Variants in EML6 observed in about 807,000 individuals in gnomAD.
The protein encoded by EML6 is EMAP like 6.
EML6 carries 154 observed loss-of-function variants against 240.1 expected under a neutral mutation model. The ratio of observed to expected loss-of-function variants is 0.64; its 90% CI spans 0.56 to 0.73. The LOEUF (loss-of-function observed/expected upper bound fraction) is 0.73, where lower values mean the gene tolerates loss of function less well. Among genes scored for constraint, EML6 ranks in the 30% least tolerant of loss-of-function variants. EML6 has a pLI of 0.00. For synonymous variants in EML6, 1,148 were observed against 899.0 expected, an observed-to-expected ratio of 1.28 and a Z score of -4.95; for missense variants, 2,964 against 2,474.6, an observed-to-expected ratio of 1.20 and a Z score of -4.20.
At chr2:54,887,128 A>G (rs1672191517) in intron 17 of EML6, among the ~76,000 whole-genome samples, 6 of 152,144 alleles carry the variant, frequency 3.9e-5, no homozygotes, top group Admixed American at 3.9e-4. Flanking sequence ...CAGAACATCT[A>G]ATTTTTCTGC....
At chr2:54,872,910 C>CT (rs1671329152) in intron 16 of EML6, among the ~76,000 whole-genome samples, 1 of 152,196 alleles carries the variant, frequency 6.6e-6, no homozygotes, top group African/African-American at 2.4e-5. Context: ...ACCCATTGCT[C>CT]TTGTGGCACT....
intron 21 of EML6, among the ~76,000 whole-genome samples, chr2:54,896,919 G>A (rs896926550): frequency 3.3e-5 from 5 of 152,170 alleles, no homozygotes; most frequent in Admixed American, 6.5e-5. Flanking sequence ...AACCTCGAAA[G>A]CTCTGCAGCT....
At chr2:54,873,466 C>G (rs1221790593) in intron 16 of EML6, among the ~76,000 whole-genome samples, 1 of 152,160 alleles carries the variant, frequency 6.6e-6, no homozygotes, top group African/African-American at 2.4e-5. Flanking sequence ...GTCCAAACTC[C>G]CGGAAGTGTG....
At chr2:54,911,225 C>G (rs576433200) in intron 25 of EML6, among the ~76,000 whole-genome samples, 183 bp downstream of exon 25, 1 of 152,308 alleles carries the variant, frequency 6.6e-6, no homozygotes, top group African/African-American at 2.4e-5. Flanking sequence ...GGATTTATCA[C>G]ACCACTGGTG....
chr2:54,764,157 T>C (rs1271825456), intron 2 of EML6, among the ~76,000 whole-genome samples: 1 of 152,234 alleles, frequency 6.6e-6, no homozygotes, highest in Non-Finnish European at 1.5e-5. Context: ...ATTTTCAATA[T>C]GCCATTTTAG....
chr2:54,922,835 C>G (rs1674331133), intron 26 of EML6, among the ~76,000 whole-genome samples: 1 of 150,992 alleles, frequency 6.6e-6, no homozygotes, highest in Non-Finnish European at 1.5e-5. Flanking sequence ...TACGTGGAAG[C>G]TAAAAAAGTT....
intron 28 of EML6, among the ~76,000 whole-genome samples, chr2:54,930,518 CTT>C (rs150838811): frequency 1.0e-3 from 152 of 145,820 alleles, no homozygotes; most frequent in Non-Finnish European, 1.8e-3. Flanking sequence ...TGGAATGACT[CTT>C]TTTTTTTTTA....
chr2:54,743,843 A>G (rs1241498619), intron 2 of EML6, among the ~76,000 whole-genome samples: 2 of 152,204 alleles, frequency 1.3e-5, no homozygotes, highest in African/African-American at 4.8e-5. Flanking sequence ...TGCAATTTAC[A>G]TATAAATTTC....
At chr2:54,956,290 G>GC (rs1676231292) in intron 32 of EML6, among the ~76,000 whole-genome samples, 1 of 6,568 alleles carries the variant, frequency 1.5e-4, no homozygotes, top group Admixed American at 1.8e-3. Context: ...TCCTTTGTTT[G>GC]CACTTCTCCC....
At chr2:54,821,905 AT>A (rs1233872738) in intron 5 of EML6, among the ~76,000 whole-genome samples, 1 of 152,100 alleles carries the variant, frequency 6.6e-6, no homozygotes, top group African/African-American at 2.4e-5. Flanking sequence ...TTGGAGAAAG[AT>A]TTTTTTAAAA....
At chr2:54,847,460 T>C (rs1669826571) in intron 8 of EML6, 26 bp from the exon 9 acceptor site, 11 of 1,546,068 alleles carry the variant, frequency 7.1e-6, no homozygotes, top group African/African-American at 1.4e-5. Flanking sequence ...GGTTTTGTTT[T>C]GTTTTGACTT....
intron 2 of EML6, among the ~76,000 whole-genome samples, chr2:54,736,012 G>A (rs1683373246): frequency 6.6e-6 from 1 of 152,200 alleles, no homozygotes; most frequent in Non-Finnish European, 1.5e-5. Flanking sequence ...AGACAGGGCA[G>A]GAACAGCTTA....
At chr2:54,804,879 G>C (rs1271034878) in intron 2 of EML6, among the ~76,000 whole-genome samples, 1 of 152,116 alleles carries the variant, frequency 6.6e-6, no homozygotes, top group Non-Finnish European at 1.5e-5. Flanking sequence ...CATACATGAG[G>C]ATGTAGCTTA....
intron 2 of EML6, among the ~76,000 whole-genome samples, chr2:54,755,008 A>G (rs1572860266): frequency 6.6e-6 from 1 of 152,252 alleles, no homozygotes; most frequent in African/African-American, 2.4e-5. Flanking sequence ...CCACAGTTCC[A>G]GAAACTTTAT....
At chr2:54,762,495 T>C (rs957363483) in intron 2 of EML6, among the ~76,000 whole-genome samples, 3 of 152,204 alleles carry the variant, frequency 2.0e-5, no homozygotes, top group Non-Finnish European at 2.9e-5. Context: ...TCCACATAAA[T>C]ATCTTACTCC....
chr2:54,917,358 G>GTTTTTTTTTTTTT (rs147785699), intron 26 of EML6, among the ~76,000 whole-genome samples: 8 of 123,822 alleles, frequency 6.5e-5, no homozygotes, highest in Non-Finnish European at 9.8e-5. Context: ...TTTTTTTTTT[G>GTTTTTTTTTTTTT]TTTTTTTTTT....
intron 16 of EML6, among the ~76,000 whole-genome samples, chr2:54,877,866 C>G (rs1184929896): frequency 6.6e-6 from 1 of 152,156 alleles, no homozygotes; most frequent in Non-Finnish European, 1.5e-5. Context: ...TTTGTTAAAC[C>G]AGACTTTTTC....
intron 28 of EML6, among the ~76,000 whole-genome samples, chr2:54,935,275 T>A (rs1050688905): frequency 2.0e-5 from 3 of 152,204 alleles, no homozygotes; most frequent in Non-Finnish European, 4.4e-5. Context: ...GAATGGCGTC[T>A]GGGCTCTATG....
chr2:54,820,536 G>T (rs752078020), intron 5 of EML6, 74 bp downstream of exon 5: 2 of 862,600 alleles, frequency 2.3e-6, no homozygotes, highest in Non-Finnish European at 3.7e-6. Context: ...ATAATTTGAT[G>T]TTGAGAGACT....
Sources: allele counts gnomAD v4.1 joint callset (sites outside exome capture counted in the v4.1 genomes callset), GRCh38; gene constraint gnomAD v4.1.1; transcripts MANE v1.5; gene names NCBI Gene and HGNC (gene_info 2026-07-23, HGNC 2026-07-21).